PKIB: variants seen among roughly 807,000 people sequenced by gnomAD.
PKIB encodes the protein PKI-beta.
A neutral mutation model predicts 4.5 loss-of-function variants in PKIB; 2 were observed. That is an observed-to-expected ratio of 0.44 (90% CI 0.18 to 1.39). The LOEUF is 1.39. PKIB is among the 40% of genes most tolerant of loss of function. The pLI, the probability that PKIB is intolerant of heterozygous loss-of-function variation, is 0.27. For synonymous variants in PKIB, 38 were observed against 36.0 expected, an observed-to-expected ratio of 1.06 and a Z score of -0.20; for missense variants, 94 against 92.6, an observed-to-expected ratio of 1.02 and a Z score of -0.06.
intron 1 of PKIB, among the ~76,000 whole-genome samples, chr6:122,623,427 A>G (rs1482799016): frequency 6.6e-6 from 1 of 152,228 alleles, no homozygotes; most frequent in Non-Finnish European, 1.5e-5. Flanking sequence ...GCACAGTTGC[A>G]TCAAAGGCTA....
chr6:122,719,642 A>C (rs1779641960), intron 4 of PKIB, among the ~76,000 whole-genome samples: 1 of 151,886 alleles, frequency 6.6e-6, no homozygotes, highest in Non-Finnish European at 1.5e-5. Flanking sequence ...CAACATGATG[A>C]CTATAGTTAA....
chr6:122,529,686 G>A (rs557971392), intron 2 of PKIB, among the ~76,000 whole-genome samples: 49 of 152,132 alleles, frequency 3.2e-4, no homozygotes, highest in African/African-American at 1.1e-3. Flanking sequence ...TGAAGGATGG[G>A]ATGTTTTTGC....
chr6:122,548,611 AT>A (rs1772577072), intron 2 of PKIB, among the ~76,000 whole-genome samples: 1 of 152,202 alleles, frequency 6.6e-6, no homozygotes, highest in South Asian at 2.1e-4. Flanking sequence ...TAAGCATTTG[AT>A]TTTATTATTC....
At chr6:122,561,973 AGTTTTTTTTTGTTTGTTTTT>A (rs1773025438) in intron 2 of PKIB, among the ~76,000 whole-genome samples, 1 of 70,866 alleles carries the variant, frequency 1.4e-5, no homozygotes, top group Non-Finnish European at 2.8e-5. Context: ...TTGCCTGCAT[AGTTTTTTTTTGTTTGTTTTT>A]GTTTTTTTTT....
At chr6:122,602,297 TAGAAGA>T (rs966934365) in intron 3 of PKIB, among the ~76,000 whole-genome samples, 2 of 152,152 alleles carry the variant, frequency 1.3e-5, no homozygotes, top group Non-Finnish European at 2.9e-5. Flanking sequence ...TTAGGACTCA[TAGAAGA>T]AGCTCAAGTG....
At chr6:122,495,401 G>T (rs1776049578) in intron 2 of PKIB, among the ~76,000 whole-genome samples, 1 of 152,008 alleles carries the variant, frequency 6.6e-6, no homozygotes, top group Admixed American at 6.6e-5. Flanking sequence ...ACCCCCACAG[G>T]CCTGTAATAT....
chr6:122,552,946 C>A (rs549645511), intron 2 of PKIB, among the ~76,000 whole-genome samples: 11 of 152,214 alleles, frequency 7.2e-5, no homozygotes, highest in African/African-American at 2.6e-4. Context: ...GTGGCTACTC[C>A]TTATATCTGC....
chr6:122,708,655 A>G (rs1206977986), intron 3 of PKIB, among the ~76,000 whole-genome samples: 2 of 152,140 alleles, frequency 1.3e-5, no homozygotes, highest in Admixed American at 6.5e-5. Context: ...TTTTCTTGAC[A>G]TGGAGTCTTG....
chr6:122,712,084 G>A (rs1419506346), intron 3 of PKIB, among the ~76,000 whole-genome samples: 1 of 152,140 alleles, frequency 6.6e-6, no homozygotes, highest in African/African-American at 2.4e-5. Flanking sequence ...GTTCTGTTTA[G>A]CTTAAAATGA....
chr6:122,719,951 A>C (rs1438784773), intron 4 of PKIB, among the ~76,000 whole-genome samples: 10 of 152,202 alleles, frequency 6.6e-5, no homozygotes, highest in Admixed American at 6.5e-4. Context: ...GATGACATAG[A>C]TAATATTTTA....
intron 3 of PKIB, among the ~76,000 whole-genome samples, chr6:122,593,838 G>C (rs891851738): frequency 1.3e-5 from 2 of 152,174 alleles, no homozygotes; most frequent in Admixed American, 6.6e-5. Context: ...TGTAGATTAA[G>C]GATGGATCTG....
chr6:122,719,709 CCACACATACA>C (rs1359332114), intron 4 of PKIB, among the ~76,000 whole-genome samples: 3,455 of 137,854 alleles, frequency 0.025, 80 homozygotes, highest in Middle Eastern at 0.066. Flanking sequence ...AGTGTTCCCA[CCACACATACA>C]CACACACACA....
intron 2 of PKIB, among the ~76,000 whole-genome samples, chr6:122,666,797 A>G (rs1777236713): frequency 6.6e-6 from 1 of 152,204 alleles, no homozygotes; most frequent in African/African-American, 2.4e-5. Context: ...TGAAAAGTAT[A>G]TTTCTTTTTG....
chr6:122,551,397 G>C (rs767339234), intron 2 of PKIB, among the ~76,000 whole-genome samples: 14 of 151,618 alleles, frequency 9.2e-5, no homozygotes, highest in Non-Finnish European at 1.9e-4. Flanking sequence ...CTGCCATTAT[G>C]CTTTTAATCA....
chr6:122,521,727 G>A (rs574966810), intron 2 of PKIB, among the ~76,000 whole-genome samples: 16 of 152,082 alleles, frequency 1.1e-4, no homozygotes, highest in East Asian at 5.8e-4. Context: ...TCAAAATGAC[G>A]ATATGTTTGA....
intron 2 of PKIB, among the ~76,000 whole-genome samples, chr6:122,522,878 A>G (rs764064122): frequency 1.3e-5 from 2 of 152,200 alleles, no homozygotes; most frequent in East Asian, 1.9e-4. Context: ...TGGAGATAGC[A>G]TTTTTATATT....
At chr6:122,510,906 A>G (rs889194917) in intron 2 of PKIB, among the ~76,000 whole-genome samples, 9 of 152,044 alleles carry the variant, frequency 5.9e-5, no homozygotes, top group African/African-American at 2.2e-4. Context: ...ATGGCGAGCC[A>G]AGTCTTGGGC....
chr6:122,488,364 AACCCCCC>A (rs1775831483), intron 2 of PKIB, among the ~76,000 whole-genome samples: 1 of 152,046 alleles, frequency 6.6e-6, no homozygotes. Context: ...CAAACGGGGA[AACCCCCC>A]ACCTAGAAGC....
chr6:122,684,673 A>G (rs1778028061), intron 3 of PKIB, among the ~76,000 whole-genome samples: 1 of 152,166 alleles, frequency 6.6e-6, no homozygotes, highest in South Asian at 2.1e-4. Context: ...CTGGTCTCCT[A>G]TATACATCTT....
Sources: allele counts gnomAD v4.1 joint callset (sites outside exome capture counted in the v4.1 genomes callset), GRCh38; gene constraint gnomAD v4.1.1; transcripts MANE v1.5; gene names NCBI Gene and HGNC (gene_info 2026-07-23, HGNC 2026-07-21).